The following FPGT variants were observed in gnomAD, a reference collection of about 807,000 sequenced individuals.
The protein encoded by FPGT is fucose-1-phosphate guanylyltransferase.
In FPGT, 41 loss-of-function variants were observed where a neutral mutation model predicts 45.8. That is an observed-to-expected ratio of 0.90 (90% CI 0.70 to 1.16). The LOEUF is 1.16. Ranked by LOEUF, FPGT falls within the 50% of genes most tolerant of loss-of-function variation. The pLI is 0.00. For missense variants in FPGT, 755 were observed against 689.1 expected (o/e 1.10, Z -1.07); for synonymous variants, 292 against 247.2 (o/e 1.18, Z -1.70).
At position 74,199,743 on chromosome 1, in the gene FPGT, CCAA is replaced by C; in HGVS notation, c.165_167del (p.Gln56del). The C allele has an allele frequency of 6.2e-7, 1 of 1,614,128 alleles. No individual in the cohort carries two copies. Among genetic ancestry groups the C allele is most frequent in the East Asian group, 2.2e-5 (1 of 44,868 alleles). On this transcript the variant is annotated inframe_deletion, in exon 2 of 4. Coordinates refer to ENST00000370898, the MANE Select transcript of FPGT (RefSeq NM_003838.5). Reference sequence around the variant, plus strand: ...ATGAAAAACAGGAACTTGCTTACAACCAACAGCTGTCAGAAAAGCTGAAAAGAA... The same window carrying C: ...ATGAAAAACAGGAACTTGCTTACAACCAGCTGTCAGAAAAGCTGAAAAGAA...
chr1:74,199,911 T>C (rs1181946892), intron 2 of FPGT, 80 bp downstream of exon 2: 3 of 1,466,554 alleles, frequency 2.0e-6, no homozygotes, highest in Non-Finnish European at 1.8e-6. Context: ...TGACTTACAG[T>C]GTATAAGCTG....
chr1:74,200,554 G>C (rs1177936264), intron 2 of FPGT: 7 of 145,412 alleles, frequency 4.8e-5, no homozygotes, highest in African/African-American at 1.8e-4. Flanking sequence ...GCCCAGGCTG[G>C]AGTGCAGTGG....
At position 74,199,675 on chromosome 1, in the gene FPGT, G is replaced by C; in HGVS notation, c.94G>C (p.Ala32Pro). The C allele has an allele frequency of 1.2e-6, 2 of 1,611,590 alleles. No homozygotes were observed. The highest frequency in any genetic ancestry group is 1.7e-6 in the Non-Finnish European group (2 of 1,179,206). The change falls in exon 2 of 4, where the codon GCA becomes CCA. Residue 32 changes from alanine to proline, a missense_variant. Coordinates refer to ENST00000370898, the MANE Select transcript of FPGT (RefSeq NM_003838.5). ...CTTTTTCCAAATAGGCAAACTTGTA[G>C]CACGTGGAGAATTCTGGGACATAGT... ...RFSELRGKLV[A>P]RGEFWDIVAI...
At chr1:74,198,898 T>A (rs896357839) in intron 1 of FPGT, among the ~76,000 whole-genome samples, 1 of 152,204 alleles carries the variant, frequency 6.6e-6, no homozygotes, top group Admixed American at 6.5e-5. Context: ...AGTGATTATA[T>A]TTGTGTTGCA....
At position 74,204,645 on chromosome 1, in the gene FPGT, G is replaced by C; in HGVS notation, c.598G>C (p.Gly200Arg). Reference protein sequence around the residue: ...ALAHPSSLTIGTTHGVFVLDP... With the variant: ...ALAHPSSLTIRTTHGVFVLDP... ...AGCTCATCCTTCTAGTTTGACGATA[G>C]GTACCACACATGGAGTATTTGTCTT... The change falls in exon 4 of 4, where the codon GGT (glycine) becomes CGT (arginine). Residue 200 changes from glycine (G) to arginine (R), a missense_variant. By Grantham distance (125) the Gly-to-Arg change is moderately radical. Coordinates refer to ENST00000370898, the MANE Select transcript of FPGT (RefSeq NM_003838.5). 1 of 1,613,662 alleles carries C rather than the reference G, an allele frequency of 6.2e-7. No homozygotes were observed. The highest frequency in any genetic ancestry group is 8.5e-7 in the Non-Finnish European group (1 of 1,179,592).
At position 74,199,740 on chromosome 1, in the gene FPGT, C is replaced by CA; in HGVS notation, c.161dup (p.Asn54LysfsTer50). 6.2e-7 allele frequency: 1 copy of CA among 1,614,116 alleles called. No homozygotes were observed. Among genetic ancestry groups the CA allele is most frequent in the Non-Finnish European group, 8.5e-7 (1 of 1,180,014 alleles). ...CTGATGAAAAACAGGAACTTGCTTA[C>CA]AACCAACAGCTGTCAGAAAAGCTGA... is the stretch of plus-strand genomic sequence containing the variant. On this transcript the variant is annotated frameshift_variant, in exon 2 of 4. Transcript: ENST00000370898. LOFTEE classifies it high-confidence loss of function.
chr1:74,204,766 A>G lies in FPGT; in HGVS notation c.719A>G (p.Asn240Ser), dbSNP rs546009671. 1.7e-5 allele frequency: 28 copies of G among 1,614,016 alleles called. No individual in the cohort carries two copies. In the South Asian group the frequency reaches 2.9e-4, roughly 16 times the overall value. Reference sequence around the variant, plus strand: ...AGCATAGAAAAGATGTATCAGTTTAATGCTGTGTGTAGACCTGGAAATTTT... The same window carrying G: ...AGCATAGAAAAGATGTATCAGTTTAGTGCTGTGTGTAGACCTGGAAATTTT... ...KPSIEKMYQF[N>S]AVCRPGNFCQ... The change falls in exon 4 of 4, where the codon AAT becomes AGT. Residue 240 changes from asparagine (N) to serine (S), a missense_variant. By Grantham distance (46) the Asn-to-Ser change is conservative. Transcript: ENST00000370898.
intron 1 of FPGT, among the ~76,000 whole-genome samples, chr1:74,198,666 TA>T (rs1024315930): frequency 1.3e-5 from 2 of 152,170 alleles, no homozygotes; most frequent in African/African-American, 4.8e-5. Context: ...TTGCTTTAAA[TA>T]AATCTAAAAG....
At chr1:74,201,761 A>C (rs1002173814) in intron 3 of FPGT, among the ~76,000 whole-genome samples, 1 of 152,122 alleles carries the variant, frequency 6.6e-6, no homozygotes, top group Non-Finnish European at 1.5e-5. Context: ...TTTTAATTTT[A>C]ATTTGTATTT....
At position 74,205,145 on chromosome 1, in the gene FPGT, G is replaced by GT. The variant is rs1652160476; in HGVS notation, c.1102dup (p.Tyr368LeufsTer6). ...ACATTGGAACAACCGAAGAATATTTGTTTTACTTTACCTCAGATAACAGTT... is the reference window on the plus strand; with the variant it reads ...ACATTGGAACAACCGAAGAATATTTGTTTTTACTTTACCTCAGATAACAGTT... On this transcript the variant is annotated frameshift_variant, in exon 4 of 4. Transcript: ENST00000370898. LOFTEE classifies it high-confidence loss of function. 6.2e-7 allele frequency: 1 copy of GT among 1,613,480 alleles called. No individual in the cohort carries two copies. The highest frequency in any genetic ancestry group is 8.5e-7 in the Non-Finnish European group (1 of 1,179,578).
chr1:74,201,256 C>A, intron 2 of FPGT, 62 bp from the exon 3 acceptor site: 1 of 1,394,254 alleles, frequency 7.2e-7, no homozygotes, highest in South Asian at 1.2e-5. Context: ...AATTTACTGT[C>A]ATGACAAAGT....
intron 2 of FPGT, 119 bp downstream of exon 2, chr1:74,199,950 T>C: frequency 8.5e-7 from 1 of 1,169,712 alleles, no homozygotes; most frequent in Non-Finnish European, 1.1e-6. Context: ...TTTACAAACT[T>C]TAAAATTTGA....
chr1:74,200,128 C>T (rs1651652191), intron 2 of FPGT, among the ~76,000 whole-genome samples: 1 of 152,168 alleles, frequency 6.6e-6, no homozygotes, highest in South Asian at 2.1e-4. Context: ...ATCAGTAGAA[C>T]CCTTGAGGTC....
chr1:74,199,972 C>CT lies in FPGT; in HGVS notation c.250+148dup, dbSNP rs1651635887. On this transcript the variant is annotated intron_variant, in intron 2 of 3. Coordinates refer to ENST00000370898, the MANE Select transcript of FPGT (RefSeq NM_003838.5). ...ACTTTAAAATTTGAACATAAATTGA[C>CT]TTTTTTTAGAAAGATAAAAGGAATA... The CT allele has an allele frequency of 8.9e-6, 9 of 1,009,708 alleles. No individual in the cohort carries two copies. In the South Asian group the frequency reaches 1.6e-4, roughly 18 times the overall value. The allele number at this position is 1,009,708 out of a possible 1,614,324, so 62.5% of individuals were successfully genotyped here.
chr1:74,203,934 C>T (rs1050558325), intron 3 of FPGT, among the ~76,000 whole-genome samples: 3 of 151,198 alleles, frequency 2.0e-5, no homozygotes, highest in South Asian at 2.1e-4. Context: ...CCCAGCTACT[C>T]GGGAGGCTGA....
chr1:74,201,466 T>A (rs1342760325), intron 3 of FPGT, 56 bp downstream of exon 3: 3 of 1,141,382 alleles, frequency 2.6e-6, no homozygotes, highest in South Asian at 3.1e-5. Flanking sequence ...CCTTTAATAC[T>A]TTAGAGACTT....
chr1:74,204,162 C>G (rs947491217), intron 3 of FPGT, among the ~76,000 whole-genome samples: 22 of 151,954 alleles, frequency 1.4e-4, no homozygotes, highest in African/African-American at 5.3e-4. Flanking sequence ...TTTTTCCTGA[C>G]CTACAGTTTT....
At chr1:74,202,720 T>A (rs1294374946) in intron 3 of FPGT, among the ~76,000 whole-genome samples, 1 of 152,226 alleles carries the variant, frequency 6.6e-6, no homozygotes, top group Admixed American at 6.5e-5. Context: ...CTTCTTAATT[T>A]TTTTGACTCT....
chr1:74,208,503 A>G lies in FPGT; in HGVS notation c.*2671A>G, dbSNP rs1338765416. On this transcript the variant is annotated 3_prime_UTR_variant, in exon 4 of 4. Transcript: ENST00000370898. ...TATGAAATCATGGCACTTACATCATATACTCAGGTGTGTAAAAGCCTGCTA... is the reference window on the plus strand; with the variant it reads ...TATGAAATCATGGCACTTACATCATGTACTCAGGTGTGTAAAAGCCTGCTA... Among the ~76,000 whole-genome samples the G allele has an allele frequency of 6.6e-6, 1 of 152,070 alleles. No individual in the cohort carries two copies. Among genetic ancestry groups the G allele is most frequent in the East Asian group, 1.9e-4 (1 of 5,178 alleles).
Sources: gnomAD v4.1 joint callset for allele counts (sites outside exome capture counted in the v4.1 genomes callset) on GRCh38, gnomAD v4.1.1 for gene constraint, MANE v1.5 for transcripts, NCBI Gene and HGNC (gene_info 2026-07-23, HGNC 2026-07-21) for gene names.